The following TASP1 variants were observed in gnomAD, a reference collection of about 807,000 sequenced individuals.
TASP1 encodes the protein threonine aspartase 1.
In TASP1, 16 loss-of-function variants were observed where a neutral mutation model predicts 56.6. That is an observed-to-expected ratio of 0.28 (90% CI 0.19 to 0.43). The LOEUF (loss-of-function observed/expected upper bound fraction) is 0.43. Among genes scored for constraint, TASP1 ranks in the 20% least tolerant of loss-of-function variants. The pLI, the probability that TASP1 is intolerant of heterozygous loss-of-function variation, is 1.00. For missense variants in TASP1, 393 were observed against 511.6 expected (o/e 0.77, Z 2.24); for synonymous variants, 179 against 184.2 (o/e 0.97, Z 0.23).
downstream of TASP1, among the ~76,000 whole-genome samples, chr20:13,384,804 T>C (rs541959024): frequency 5.8e-4 from 88 of 152,332 alleles, no homozygotes; most frequent in African/African-American, 1.9e-3. Flanking sequence ...ATCATACACA[T>C]TAATCATATA....
At chr20:13,404,654 G>A (rs1600692737) in intron 13 of TASP1, among the ~76,000 whole-genome samples, 1 of 152,218 alleles carries the variant, frequency 6.6e-6, no homozygotes, top group South Asian at 2.1e-4. Flanking sequence ...TAAATAGGAT[G>A]ATTTTATGAG....
At chr20:13,599,485 C>T (rs2047872045) in intron 4 of TASP1, among the ~76,000 whole-genome samples, 1 of 152,150 alleles carries the variant, frequency 6.6e-6, no homozygotes, top group Admixed American at 6.6e-5. Flanking sequence ...AATGAAAACA[C>T]TTGGACACAG....
In TASP1 at chr20:13,554,086, C is replaced by G. The variant is rs554987357; in HGVS notation, c.675+4922G>C. The stretch of plus-strand genomic sequence containing the variant: ...TCCCTCTTTGCCATCCTGCCTTACT[C>G]TCACTTTGAATGCAGATGTGACATC... On this transcript the variant is annotated intron_variant, in intron 8 of 13. Transcript: ENST00000337743. 6.6e-5 allele frequency among the ~76,000 whole-genome samples: 10 copies of G among 152,288 alleles called. No homozygotes were observed. The South Asian group carries it at 1.9e-3, about 28-fold the overall frequency.
At chr20:13,136,444 A>C in the TASP1 span, among the ~76,000 whole-genome samples, 1 of 151,748 alleles carries the variant, frequency 6.6e-6, no homozygotes, top group Non-Finnish European at 1.5e-5. Flanking sequence ...CAAAACATAC[A>C]AAAAAATTAG....
intron 10 of TASP1, among the ~76,000 whole-genome samples, chr20:13,492,492 G>C (rs2043570247): frequency 6.6e-6 from 1 of 152,116 alleles, no homozygotes; most frequent in African/African-American, 2.4e-5. Context: ...ATTAAAGAGA[G>C]AGCTACCTTA....
At chr20:13,270,356 TG>T in the TASP1 span, 1 of 821,864 alleles carries the variant, frequency 1.2e-6, no homozygotes, top group Non-Finnish European at 1.9e-6. Context: ...AACTAAACCA[TG>T]GGTTTGCAAA....
the TASP1 span, among the ~76,000 whole-genome samples, chr20:13,289,142 G>C: frequency 3.9e-5 from 6 of 152,162 alleles, no homozygotes; most frequent in Admixed American, 6.5e-5. Context: ...GAGCTGAATG[G>C]ATTTTCTGAG....
At chr20:13,334,430 T>C in the TASP1 span, among the ~76,000 whole-genome samples, 1 of 152,202 alleles carries the variant, frequency 6.6e-6, no homozygotes, top group Non-Finnish European at 1.5e-5. Flanking sequence ...TTCTTTTAAC[T>C]GGTTATTCTG....
At chr20:13,183,739 A>G in the TASP1 span, among the ~76,000 whole-genome samples, 3 of 152,224 alleles carry the variant, frequency 2.0e-5, no homozygotes, top group African/African-American at 4.8e-5. Flanking sequence ...ATAAGAAAGT[A>G]AAATAGTGGA....
chr20:13,384,827 T>C (rs2041152467), downstream of TASP1, among the ~76,000 whole-genome samples: 1 of 152,228 alleles, frequency 6.6e-6, no homozygotes, highest in Admixed American at 6.5e-5. Flanking sequence ...CAGGGATTCA[T>C]TGCTGCTGGG....
At chr20:13,564,297 A>G (rs2046441736) in intron 7 of TASP1, among the ~76,000 whole-genome samples, 1 of 138,014 alleles carries the variant, frequency 7.2e-6, no homozygotes, top group African/African-American at 2.5e-5. Context: ...TTAACAATGA[A>G]CAATTTAAAA....
chr20:13,342,079 TA>T, the TASP1 span, among the ~76,000 whole-genome samples: 1 of 152,200 alleles, frequency 6.6e-6, no homozygotes, highest in Admixed American at 6.5e-5. Flanking sequence ...GGCGAGGAAC[TA>T]GACTCCACCC....
At chr20:13,289,618 AG>A in the TASP1 span, among the ~76,000 whole-genome samples, 1 of 151,778 alleles carries the variant, frequency 6.6e-6, no homozygotes, top group Non-Finnish European at 1.5e-5. Context: ...AAGAAAGAGA[AG>A]GAGGAGGAAG....
the TASP1 span, among the ~76,000 whole-genome samples, chr20:13,257,653 T>C: frequency 6.6e-6 from 1 of 151,988 alleles, no homozygotes; most frequent in Non-Finnish European, 1.5e-5. Context: ...AAAAAGTCAT[T>C]ACACTGCACA....
At chr20:13,214,519 GCACACACACACA>G in the TASP1 span, among the ~76,000 whole-genome samples, 1,108 of 115,712 alleles carry the variant, frequency 9.6e-3, 7 homozygotes, top group African/African-American at 0.025. Context: ...ACAGAGACAG[GCACACACACACA>G]CACACACACA....
chr20:13,119,676 A>T, the TASP1 span, among the ~76,000 whole-genome samples: 1 of 151,932 alleles, frequency 6.6e-6, no homozygotes, highest in Non-Finnish European at 1.5e-5. Flanking sequence ...TTCATGTTAC[A>T]CTGCAGTGTC....
chr20:13,322,653 T>A, the TASP1 span, among the ~76,000 whole-genome samples: 1 of 152,174 alleles, frequency 6.6e-6, no homozygotes, highest in Non-Finnish European at 1.5e-5. Flanking sequence ...GACCCAGTGA[T>A]ACAGACAGAC....
At chr20:13,593,827 T>C (rs1311601094) in intron 4 of TASP1, among the ~76,000 whole-genome samples, 1 of 152,222 alleles carries the variant, frequency 6.6e-6, no homozygotes, top group East Asian at 1.9e-4. Context: ...CGTCCCTGTC[T>C]GATAGCTCTA....
chr20:13,244,873 G>C, the TASP1 span, among the ~76,000 whole-genome samples: 4 of 152,324 alleles, frequency 2.6e-5, no homozygotes, highest in East Asian at 3.9e-4. Flanking sequence ...TTTCCTGCCA[G>C]TTTTCTATTG....
Sources: allele counts gnomAD v4.1 joint callset (sites outside exome capture counted in the v4.1 genomes callset), GRCh38; gene constraint gnomAD v4.1.1; transcripts MANE v1.5; gene names NCBI Gene and HGNC (gene_info 2026-07-23, HGNC 2026-07-21).